ANKRD60: variants seen among roughly 807,000 people sequenced by gnomAD.
ANKRD60 encodes ankyrin repeat domain-containing protein 60.
A neutral mutation model predicts 21.3 loss-of-function variants in ANKRD60; 24 were observed. The ratio of observed to expected loss-of-function variants is 1.13; its 90% CI spans 0.82 to 1.59. The LOEUF (loss-of-function observed/expected upper bound fraction) is 1.59. Ranked by LOEUF, ANKRD60 falls within the 40% of genes most tolerant of loss-of-function variation. The pLI, the probability that ANKRD60 is intolerant of heterozygous loss-of-function variation, is 0.00. For synonymous variants in ANKRD60, 182 were observed against 199.4 expected, an observed-to-expected ratio of 0.91 and a Z score of 0.74; for missense variants, 490 against 466.7, an observed-to-expected ratio of 1.05 and a Z score of -0.46.
In ANKRD60 at chr20:58,228,372, G is replaced by T. The variant is rs752508843; in HGVS notation, c.282C>A (p.Phe94Leu). Residue 94 changes from phenylalanine (F) to leucine (L), a missense_variant, in exon 1 of 4, where the codon TTC becomes TTA. Coordinates refer to ENST00000457363, the Ensembl canonical transcript of ANKRD60. The surrounding 1 kb of genome is among the most constrained non-coding windows in gnomAD (Gnocchi z 5.3). ...TCTCCTCCAGCCGCACCCGCAGGAC[G>T]AAGACGTCAGGGGCCAAGTCGGGCA... is the stretch of plus-strand genomic sequence containing the variant. 3.2e-6 allele frequency: 5 copies of T among 1,549,588 alleles called. No homozygotes were observed. In the South Asian group the frequency reaches 5.9e-5, roughly 18 times the overall value.
chr20:58,222,130 C>T (rs1984269693), intron 2 of ANKRD60, among the ~76,000 whole-genome samples: 1 of 152,174 alleles, frequency 6.6e-6, no homozygotes, highest in South Asian at 2.1e-4. Flanking sequence ...CAGCCTCAAA[C>T]AGCAGGGAGG....
chr20:58,216,713 A>G (rs1180479564), downstream of ANKRD60, among the ~76,000 whole-genome samples: 1 of 152,248 alleles, frequency 6.6e-6, no homozygotes, highest in Non-Finnish European at 1.5e-5. Context: ...TTGCTATGAC[A>G]GCAGGAAATG....
At position 58,221,543 on chromosome 20, in the gene ANKRD60, G is replaced by C. The variant is rs755754831; in HGVS notation, c.562-40C>G. ...AGGAGTTTGAGTTATTCTCAAAAGC[G>C]TGGCTACATTTTGCTGGACGGCTGA... On this transcript the variant is annotated intron_variant, in intron 2 of 3. Transcript: ENST00000457363. The C allele has an allele frequency of 7.8e-6, 12 of 1,544,188 alleles. 1 individual carries two copies. The South Asian group carries it at 1.4e-4, about 18-fold the overall frequency.
chr20:58,225,789 T>A (rs1359194916), intron 1 of ANKRD60, among the ~76,000 whole-genome samples: 1 of 152,242 alleles, frequency 6.6e-6, no homozygotes, highest in East Asian at 1.9e-4. Flanking sequence ...TTTTTCTATA[T>A]CTTCATTTTC....
chr20:58,224,870 G>C (rs1286200080), intron 1 of ANKRD60, among the ~76,000 whole-genome samples: 2 of 152,168 alleles, frequency 1.3e-5, no homozygotes, highest in Non-Finnish European at 2.9e-5. Flanking sequence ...ATTATCACCA[G>C]CTAAATAAAT....
At chr20:58,219,297 C>A (rs2122801247) in intron 3 of ANKRD60, among the ~76,000 whole-genome samples, 1 of 152,318 alleles carries the variant, frequency 6.6e-6, no homozygotes, top group South Asian at 2.1e-4. Context: ...TCTCCCACCC[C>A]ATGAAACCTC....
At chr20:58,221,761 T>C (rs927557550) in intron 2 of ANKRD60, among the ~76,000 whole-genome samples, 1 of 152,150 alleles carries the variant, frequency 6.6e-6, no homozygotes, top group Non-Finnish European at 1.5e-5. Context: ...AAGGTCTTCC[T>C]GTCAATGTTT....
intron 1 of ANKRD60, among the ~76,000 whole-genome samples, chr20:58,226,527 A>G (rs1354079938): frequency 6.6e-6 from 1 of 152,160 alleles, no homozygotes; most frequent in Non-Finnish European, 1.5e-5. Context: ...ATATACAAGA[A>G]AAGTTTGCTT....
At chr20:58,226,322 T>G (rs910703505) in intron 1 of ANKRD60, among the ~76,000 whole-genome samples, 1 of 151,990 alleles carries the variant, frequency 6.6e-6, no homozygotes, top group African/African-American at 2.4e-5. Context: ...AGGACTTGTT[T>G]TGGGATGTGG....
chr20:58,222,005 G>A (rs538896075), intron 2 of ANKRD60, among the ~76,000 whole-genome samples: 1 of 152,164 alleles, frequency 6.6e-6, no homozygotes, highest in Admixed American at 6.5e-5. Context: ...TTAAGTCTTT[G>A]AGCCTGGGAG....
intron 1 of ANKRD60, among the ~76,000 whole-genome samples, chr20:58,224,527 C>T (rs1984328174): frequency 6.6e-6 from 1 of 152,222 alleles, no homozygotes; most frequent in Non-Finnish European, 1.5e-5. Context: ...GGCACCAGAC[C>T]TGCTTCCCTC....
At chr20:58,220,927 C>T (rs1984238506) in intron 3 of ANKRD60, among the ~76,000 whole-genome samples, 2 of 152,178 alleles carry the variant, frequency 1.3e-5, no homozygotes, top group South Asian at 4.1e-4. Flanking sequence ...GCCACCGTGC[C>T]TGGCCAGAGG....
chr20:58,216,220 C>G (rs980072515), downstream of ANKRD60, among the ~76,000 whole-genome samples: 2 of 152,140 alleles, frequency 1.3e-5, no homozygotes, highest in Admixed American at 1.3e-4. Flanking sequence ...GAAGCGCTCC[C>G]CAGGACCTAC....
At chr20:58,216,887 A>G (rs1984146956), downstream of ANKRD60, among the ~76,000 whole-genome samples, 7 of 152,374 alleles carry the variant, frequency 4.6e-5, no homozygotes, top group South Asian at 1.2e-3. Context: ...GCTTTAGAGA[A>G]CATAAATGGT....
chr20:58,228,475 G>T lies in ANKRD60; in HGVS notation c.179C>A (p.Ala60Asp). Residue 60 changes from alanine (A) to aspartate (D), a missense_variant, in exon 1 of 4, where the codon GCC (alanine) becomes GAC (aspartate). Physicochemically the swap from Ala to Asp is moderately radical, Grantham distance 126 (BLOSUM62 -2). Coordinates refer to ENST00000457363, the Ensembl canonical transcript of ANKRD60. This position sits in a 1 kb window ranked among gnomAD's most constrained non-coding sequence, Gnocchi z 5.3. ...ACAGGCCAGGGGCTGCGCGGGGAGG[G>T]CCCGCGAGTCCGCCGAGCCCACCCT... 6.6e-7 allele frequency: 1 copy of T among 1,513,348 alleles called. No individual in the cohort carries two copies. The highest frequency in any genetic ancestry group is 1.2e-5 in the South Asian group (1 of 81,488). 93.7% of individuals were successfully genotyped at this position (1,513,348 alleles called of 1,614,324 possible).
At chr20:58,227,952 A>G (rs1022680234) in intron 1 of ANKRD60, among the ~76,000 whole-genome samples, 1 of 152,256 alleles carries the variant, frequency 6.6e-6, no homozygotes, top group East Asian at 1.9e-4. Context: ...CGATCCAGGC[A>G]GGACCTGCTT....
intron 2 of ANKRD60, 126 bp from the exon 3 acceptor site, chr20:58,221,629 A>T: frequency 9.1e-7 from 1 of 1,098,080 alleles, no homozygotes. Context: ...ATGGGAAAAG[A>T]GAGGTGCAAA....
Position 58,228,553 on chromosome 20 carries a change from T to A in ANKRD60, c.101A>T (p.Asn34Ile). The change falls in exon 1 of 4, where the codon AAT becomes ATT. Residue 34 changes from asparagine (N) to isoleucine (I), a missense_variant. Transcript: ENST00000457363. This position sits in a 1 kb window ranked among gnomAD's most constrained non-coding sequence, Gnocchi z 5.3. ...CCGCGCACCGCTCCTGCGTCCCGCA[T>A]TGGGGTGCAGGCGAGAGGCGCCCCC... 3.1e-6 allele frequency: 4 copies of A among 1,299,900 alleles called. No individual in the cohort carries two copies. Among genetic ancestry groups the A allele is most frequent in the South Asian group, 4.4e-5 (2 of 45,200 alleles). The allele number at this position is 1,299,900 out of a possible 1,614,324, so 80.5% of individuals were successfully genotyped here.
intron 1 of ANKRD60, among the ~76,000 whole-genome samples, chr20:58,225,200 CCT>C (rs145170883): frequency 0.014 from 2,114 of 152,232 alleles, 47 homozygotes; most frequent in African/African-American, 0.048. Flanking sequence ...TAAGTCACCC[CCT>C]CTCTCGCGCT....
Sources: gnomAD v4.1 joint callset for allele counts (sites outside exome capture counted in the v4.1 genomes callset) on GRCh38, gnomAD v4.1.1 for gene constraint, Gnocchi (gnomAD v3.1) non-coding constraint, MANE v1.5 for transcripts, NCBI Gene and HGNC (gene_info 2026-07-23, HGNC 2026-07-21) for gene names.